The following VAV2 variants were observed in gnomAD, a reference collection of about 807,000 sequenced individuals.
The protein encoded by VAV2 is vav guanine nucleotide exchange factor 2.
VAV2 carries 67 observed loss-of-function variants against 132.5 expected under a neutral mutation model. The observed-to-expected ratio is 0.51, with a 90% CI of 0.42 to 0.62. The LOEUF (loss-of-function observed/expected upper bound fraction) is 0.62. Among genes scored for constraint, VAV2 ranks in the 20% least tolerant of loss-of-function variants. The probability of loss-of-function intolerance (pLI) is 0.00; values close to 1 mark genes in which losing one functional copy is unlikely to be tolerated. For synonymous variants in VAV2, 492 were observed against 443.5 expected, an observed-to-expected ratio of 1.11 and a Z score of -1.37; for missense variants, 938 against 1,153.6, an observed-to-expected ratio of 0.81 and a Z score of 2.71.
chr9:133,887,201 G>A (rs934250748), intron 2 of VAV2, among the ~76,000 whole-genome samples: 3 of 152,186 alleles, frequency 2.0e-5, no homozygotes, highest in Non-Finnish European at 2.9e-5. Context: ...CACCTCCACA[G>A]CCCTCAGGGA....
At chr9:133,766,342 T>TA (rs1201668229) in intron 29 of VAV2, among the ~76,000 whole-genome samples, 2 of 152,202 alleles carry the variant, frequency 1.3e-5, no homozygotes, top group African/African-American at 4.8e-5. Flanking sequence ...ATTGCAGCAC[T>TA]ACTCACAACA....
At chr9:133,766,935 T>TAA (rs35875726) in intron 29 of VAV2, among the ~76,000 whole-genome samples, 4 of 151,202 alleles carry the variant, frequency 2.6e-5, no homozygotes, top group African/African-American at 9.8e-5. Flanking sequence ...TGGGAAATAG[T>TAA]AAAAAAGTAC....
At chr9:133,868,940 T>C (rs1362245326) in intron 2 of VAV2, among the ~76,000 whole-genome samples, 1 of 151,922 alleles carries the variant, frequency 6.6e-6, no homozygotes, top group Admixed American at 6.5e-5. Flanking sequence ...ACAGCCTCAC[T>C]TGAGATGAGG....
chr9:133,980,057 G>A (rs902759155), intron 1 of VAV2, among the ~76,000 whole-genome samples: 1 of 152,212 alleles, frequency 6.6e-6, no homozygotes, highest in African/African-American at 2.4e-5. Flanking sequence ...TGGAGAACAG[G>A]CTGGGCCACC....
intron 2 of VAV2, among the ~76,000 whole-genome samples, chr9:133,875,736 A>G (rs1334634306): frequency 6.6e-6 from 1 of 152,144 alleles, no homozygotes; most frequent in Non-Finnish European, 1.5e-5. Flanking sequence ...GAGGCTATAG[A>G]ATGAATTGAC....
In VAV2 at chr9:133,919,582, A is replaced by G. The variant is rs949378217; in HGVS notation, c.321+19521T>C. 2.6e-5 allele frequency among the ~76,000 whole-genome samples: 4 copies of G among 152,234 alleles called. No homozygotes were observed. Among genetic ancestry groups the G allele is most frequent in the Admixed American group, 1.3e-4 (2 of 15,288 alleles). On this transcript the variant is annotated intron_variant, in intron 2 of 29. Coordinates refer to ENST00000371850, the MANE Select transcript of VAV2 (RefSeq NM_001134398.2). This position sits in a 1 kb window ranked among gnomAD's most constrained non-coding sequence, Gnocchi z 5.8. ...TGCCCACTCAGCAAGGGAAGCCACCAGGACACCGGGTTTTTCCTGAACATT... is the reference window on the plus strand; with the variant it reads ...TGCCCACTCAGCAAGGGAAGCCACCGGGACACCGGGTTTTTCCTGAACATT...
Position 133,769,328 on chromosome 9 carries a change from G to A in VAV2, c.2434+89C>T. On this transcript the variant is annotated intron_variant, in intron 28 of 29. Coordinates refer to ENST00000371850, the MANE Select transcript of VAV2 (RefSeq NM_001134398.2). This position sits in a 1 kb window ranked among gnomAD's most constrained non-coding sequence, Gnocchi z 8.1. Reference sequence around the variant, plus strand: ...GACAACTGTGGCCACGTCAGGCAGGGCTGTGGGGCCAGTGGGCAGCTCCGT... The same window carrying A: ...GACAACTGTGGCCACGTCAGGCAGGACTGTGGGGCCAGTGGGCAGCTCCGT... The A allele has an allele frequency of 7.3e-7, 1 of 1,377,760 alleles. No homozygotes were observed. The allele number at this position is 1,377,760 out of a possible 1,614,324, so 85.3% of individuals were successfully genotyped here. A position where few individuals can be genotyped will look rare whatever the true frequency, so the allele number is the denominator to read the frequency against.
chr9:133,900,655 C>T (rs12002869), intron 2 of VAV2, among the ~76,000 whole-genome samples: 12,619 of 152,160 alleles, frequency 0.083, 972 homozygotes, highest in African/African-American at 0.2. Context: ...GGAACTTGCA[C>T]ATAAAAATGA....
intron 19 of VAV2, 68 bp from the exon 20 acceptor site, chr9:133,780,778 T>A (rs1391292248): frequency 1.6e-6 from 2 of 1,252,294 alleles, no homozygotes; most frequent in Non-Finnish European, 1.0e-6. Flanking sequence ...CAGCTCTCAC[T>A]CACACCGCCC....
chr9:133,862,653 C>T (rs1385580319), intron 2 of VAV2, among the ~76,000 whole-genome samples: 1 of 152,194 alleles, frequency 6.6e-6, no homozygotes, highest in African/African-American at 2.4e-5. Context: ...TCATAGACAC[C>T]CTCCACTGGG....
At chr9:133,904,284 G>C (rs1564452490) in intron 2 of VAV2, among the ~76,000 whole-genome samples, 1 of 152,232 alleles carries the variant, frequency 6.6e-6, no homozygotes, top group Non-Finnish European at 1.5e-5. Flanking sequence ...AAGAGCAAAT[G>C]CTATTTCTAG....
rs973134663 is a variant in VAV2 at position 133,833,778 on chromosome 9, G to A, written c.449+494C>T. On this transcript the variant is annotated intron_variant, in intron 4 of 29. Coordinates refer to ENST00000371850, the MANE Select transcript of VAV2 (RefSeq NM_001134398.2). This position sits in a 1 kb window ranked among gnomAD's most constrained non-coding sequence, Gnocchi z 5.6. ...TGAGGTGGACACGGAGAAGAGCAGA[G>A]GCGGGTCCACCGAGGCAGGGCAGTG... Among the ~76,000 whole-genome samples the A allele has an allele frequency of 1.3e-4, 20 of 152,262 alleles. No homozygotes were observed. Among genetic ancestry groups the A allele is most frequent in the Non-Finnish European group, 1.3e-4 (9 of 67,996 alleles).
At chr9:133,820,851 G>A (rs79519754) in intron 4 of VAV2, among the ~76,000 whole-genome samples, 3,025 of 152,282 alleles carry the variant, frequency 0.02, 70 homozygotes, top group African/African-American at 0.06. Context: ...GACAGGGCAG[G>A]AGGGTCCCAT....
intron 13 of VAV2, among the ~76,000 whole-genome samples, chr9:133,790,539 G>A (rs1330384887): frequency 2.0e-5 from 3 of 152,074 alleles, no homozygotes; most frequent in Non-Finnish European, 2.9e-5. Flanking sequence ...AAAACAAAAC[G>A]AACTTTTCTC....
intron 1 of VAV2, among the ~76,000 whole-genome samples, chr9:133,956,204 G>A (rs555430544): frequency 6.6e-6 from 1 of 152,228 alleles, no homozygotes; most frequent in African/African-American, 2.4e-5. Flanking sequence ...AGGGAGGGAA[G>A]GGGGTTCTGA....
chr9:133,778,821 AGG>A lies in VAV2; in HGVS notation c.1829_1830del (p.Thr610IlefsTer8). On this transcript the variant is annotated frameshift_variant, in exon 22 of 30. Transcript: ENST00000371850. LOFTEE classifies it high-confidence loss of function. Reference sequence around the variant, plus strand: ...AGCTCAAGCACGTCGCCCGTCTGGAAGGTCAGCACAGGCTTCCCGGGAGGGGC... The same window carrying A: ...AGCTCAAGCACGTCGCCCGTCTGGAATCAGCACAGGCTTCCCGGGAGGGGC... ...NPAPPGKPVL[T>X]FQTGDVLELL... is the part of the protein sequence containing the mutation. The A allele has an allele frequency of 6.2e-7, 1 of 1,613,094 alleles. No homozygotes were observed. The highest frequency in any genetic ancestry group is 8.5e-7 in the Non-Finnish European group (1 of 1,180,006).
At chr9:133,877,888 T>C (rs1838325742) in intron 2 of VAV2, among the ~76,000 whole-genome samples, 1 of 152,230 alleles carries the variant, frequency 6.6e-6, no homozygotes, top group African/African-American at 2.4e-5. Flanking sequence ...GTAACTCGGT[T>C]ATTAAGTGCA....
At chr9:133,963,809 A>G (rs1842039089) in intron 1 of VAV2, among the ~76,000 whole-genome samples, 1 of 152,060 alleles carries the variant, frequency 6.6e-6, no homozygotes, top group African/African-American at 2.4e-5. Flanking sequence ...ATGTCAGAAC[A>G]TGCAAGGAAA....
intron 2 of VAV2, among the ~76,000 whole-genome samples, chr9:133,933,538 AGTGGATGGATGGATGGATG>A (rs1176163035): frequency 3.6e-5 from 5 of 137,950 alleles, no homozygotes; most frequent in South Asian, 2.3e-4. Context: ...CGAATGGATG[AGTGGATGGATGGATGGATG>A]GTGGATGGAT....
Sources: allele counts gnomAD v4.1 joint callset (sites outside exome capture counted in the v4.1 genomes callset), GRCh38; gene constraint gnomAD v4.1.1; non-coding constraint Gnocchi (gnomAD v3.1); transcripts MANE v1.5; gene names NCBI Gene and HGNC (gene_info 2026-07-23, HGNC 2026-07-21).